The following TEX10 variants were observed in gnomAD, a reference collection of about 807,000 sequenced individuals.
TEX10 encodes testis expressed 10.
In TEX10, 24 loss-of-function variants were observed where a neutral mutation model predicts 104.4. The observed-to-expected ratio is 0.23, with a 90% CI of 0.17 to 0.32. The LOEUF (loss-of-function observed/expected upper bound fraction) is 0.32. TEX10 is among the 10% of genes least tolerant of loss of function. The pLI, the probability that TEX10 is intolerant of heterozygous loss-of-function variation, is 1.00. For missense variants in TEX10, 921 were observed against 1,083.9 expected (o/e 0.85, Z 2.11); for synonymous variants, 396 against 393.4 (o/e 1.01, Z -0.08).
chr9:100,310,483 G>C lies in TEX10; in HGVS notation c.2203-104C>G, dbSNP rs963608216. The C allele has an allele frequency of 6.9e-5, 74 of 1,074,330 alleles. 1 individual carries two copies. The highest frequency in any genetic ancestry group is 9.6e-5 in the Non-Finnish European group (71 of 735,802). 66.5% of individuals were successfully genotyped at this position (1,074,330 alleles called of 1,614,324 possible). On this transcript the variant is annotated intron_variant, in intron 11 of 14. Coordinates refer to ENST00000374902, the MANE Select transcript of TEX10 (RefSeq NM_017746.4). ...AGACAGAGTTTCACTCTGTCGCCCA[G>C]GCTGGAGTGCAGTGATGCAGTCTCA...
Position 100,303,422 on chromosome 9 carries a change from C to T in TEX10, c.2676+210G>A, listed in dbSNP as rs528327889. Reference sequence around the variant, plus strand: ...TATTTTAAGACTTTTATTACTAATTCTGGAATCACAGACACACCCCCCCCC... The same window carrying T: ...TATTTTAAGACTTTTATTACTAATTTTGGAATCACAGACACACCCCCCCCC... On this transcript the variant is annotated intron_variant, in intron 14 of 14. Coordinates refer to ENST00000374902, the MANE Select transcript of TEX10 (RefSeq NM_017746.4). Among the ~76,000 whole-genome samples, 9 of 134,942 alleles carry T rather than the reference C, an allele frequency of 6.7e-5. No individual in the cohort carries two copies. In the East Asian group the frequency reaches 2.8e-3, roughly 41 times the overall value. The allele number at this position is 134,942 out of a possible 152,430, so 88.5% of individuals were successfully genotyped here. A position where few individuals can be genotyped will look rare whatever the true frequency, so the allele number is the denominator to read the frequency against.
intron 10 of TEX10, 59 bp downstream of exon 10, chr9:100,321,621 AAGG>A (rs751995603): frequency 5.3e-6 from 7 of 1,330,414 alleles, no homozygotes; most frequent in African/African-American, 2.9e-5. Context: ...CAAATCTTAG[AAGG>A]AGAATTGTGA....
chr9:100,324,376 T>C (rs1160876271), intron 9 of TEX10, among the ~76,000 whole-genome samples: 2 of 152,172 alleles, frequency 1.3e-5, no homozygotes. Context: ...ATGATGGTGC[T>C]ATGGGCTCAA....
chr9:100,302,549 T>G (rs1028693067), intron 14 of TEX10, among the ~76,000 whole-genome samples: 1 of 152,206 alleles, frequency 6.6e-6, no homozygotes, highest in Non-Finnish European at 1.5e-5. Context: ...CTCCTGCACA[T>G]GCTAGAGACT....
intron 1 of TEX10, 68 bp downstream of exon 1, chr9:100,352,704 G>C: frequency 7.7e-7 from 1 of 1,305,596 alleles, no homozygotes; most frequent in East Asian, 3.5e-5. Context: ...GGATCGGGGG[G>C]CGACGGCCCC....
intron 9 of TEX10, among the ~76,000 whole-genome samples, chr9:100,325,094 T>C (rs1186829072): frequency 6.6e-6 from 1 of 152,218 alleles, no homozygotes; most frequent in Non-Finnish European, 1.5e-5. Flanking sequence ...TTGTCAGTTA[T>C]GAAGCACACT....
intron 2 of TEX10, among the ~76,000 whole-genome samples, chr9:100,347,645 C>G (rs1835332895): frequency 6.6e-6 from 1 of 152,156 alleles, no homozygotes; most frequent in Admixed American, 6.5e-5. Context: ...AACCTACATG[C>G]AGGCTTAGGC....
intron 5 of TEX10, among the ~76,000 whole-genome samples, chr9:100,332,097 T>A (rs1834876848): frequency 6.6e-6 from 1 of 152,198 alleles, no homozygotes; most frequent in Non-Finnish European, 1.5e-5. Flanking sequence ...GGCCAACAGA[T>A]AATTCAATGT....
chr9:100,338,126 G>A (rs1248800770), intron 5 of TEX10, among the ~76,000 whole-genome samples: 1 of 152,152 alleles, frequency 6.6e-6, no homozygotes, highest in Admixed American at 6.5e-5. Flanking sequence ...TAAAGGGGTG[G>A]TACAAAGGGC....
rs760007197 is a variant in TEX10 at position 100,326,337 on chromosome 9, A to G, written c.1944T>C (p.Ser648=). The part of the protein sequence containing the change: ...RCCIMGRLSS[S]LAAMLIGILH... Reference sequence around the variant, plus strand: ...GTATCCCGATAAGCATGGCAGCCAAACTTGAACTGAGTCTTCCCATAATAC... The same window carrying G: ...GTATCCCGATAAGCATGGCAGCCAAGCTTGAACTGAGTCTTCCCATAATAC... Residue 648 remains serine, a synonymous_variant, in exon 9 of 15, where the codon AGT becomes AGC. Coordinates refer to ENST00000374902, the MANE Select transcript of TEX10 (RefSeq NM_017746.4). 11 of 1,614,060 alleles carry G rather than the reference A, an allele frequency of 6.8e-6. No individual in the cohort carries two copies. In the South Asian group the frequency reaches 1.2e-4, roughly 18 times the overall value.
chr9:100,344,704 C>T (rs1416974720), intron 4 of TEX10, among the ~76,000 whole-genome samples: 1 of 152,016 alleles, frequency 6.6e-6, no homozygotes, highest in East Asian at 1.9e-4. Flanking sequence ...AAATTAGCCA[C>T]GCATGGTGGC....
intron 6 of TEX10, 62 bp downstream of exon 6, chr9:100,329,869 G>T: frequency 7.4e-7 from 1 of 1,352,590 alleles, no homozygotes; most frequent in Non-Finnish European, 1.0e-6. Flanking sequence ...TTCAAAGCTA[G>T]ACCTTAAGAT....
Position 100,320,277 on chromosome 9 carries a change from C to G in TEX10, c.2190G>C (p.Trp730Cys), listed in dbSNP as rs1834533872. 6.2e-7 allele frequency: 1 copy of G among 1,609,636 alleles called. No individual in the cohort carries two copies. Among genetic ancestry groups the G allele is most frequent in the Admixed American group, 1.7e-5 (1 of 59,394 alleles). ...LTDLDQFLHH[W>C]DVTEAVFHSL... The stretch of plus-strand genomic sequence containing the variant: ...AATGAACTATTACCTCTGTTACATC[C>G]CAGTGGTGTAAAAATTGATCCAAAT... Residue 730 changes from tryptophan (W) to cysteine (C), a missense_variant, in exon 11 of 15, where the codon TGG becomes TGC. Trp to Cys is a radical substitution (Grantham distance 215). Transcript: ENST00000374902.
At position 100,306,665 on chromosome 9, in the gene TEX10, G is replaced by A. The variant is rs1270809920; in HGVS notation, c.2465+1835C>T. The A allele has an allele frequency of 2.6e-5, 4 of 152,300 alleles. No individual in the cohort carries two copies. The East Asian group carries it at 7.7e-4, about 29-fold the overall frequency. 9.4% of individuals were successfully genotyped at this position (152,300 alleles called of 1,614,324 possible). The stretch of plus-strand genomic sequence containing the variant: ...TCTTATAAACACCTTCTCCAGTGGG[G>A]AAGAAATAGCCCAAATGGGAATTTT... On this transcript the variant is annotated intron_variant, in intron 13 of 14. Transcript: ENST00000374902.
chr9:100,317,511 G>A (rs1834451062), intron 11 of TEX10, among the ~76,000 whole-genome samples: 1 of 152,080 alleles, frequency 6.6e-6, no homozygotes, highest in Non-Finnish European at 1.5e-5. Context: ...ACACTTAAAT[G>A]TAGGACATGA....
intron 8 of TEX10, among the ~76,000 whole-genome samples, chr9:100,326,791 C>G (rs1232962869): frequency 6.6e-6 from 1 of 152,086 alleles, no homozygotes. Flanking sequence ...AGCAATTTTG[C>G]TAAACAGTGA....
chr9:100,325,361 C>G (rs1834679961), intron 9 of TEX10, among the ~76,000 whole-genome samples: 1 of 152,126 alleles, frequency 6.6e-6, no homozygotes, highest in South Asian at 2.1e-4. Flanking sequence ...TTCAGAGTTT[C>G]AGAGTAAAAT....
chr9:100,327,879 G>C lies in TEX10; in HGVS notation c.1709C>G (p.Ser570Cys), dbSNP rs1444430228. 1 of 1,607,828 alleles carries C rather than the reference G, an allele frequency of 6.2e-7. No homozygotes were observed. Among genetic ancestry groups the C allele is most frequent in the Non-Finnish European group, 8.5e-7 (1 of 1,175,794 alleles). The change falls in exon 8 of 15, where the codon TCT (serine) becomes TGT (cysteine). Residue 570 changes from serine (S) to cysteine (C), a missense_variant. Ser to Cys is a moderately radical substitution (Grantham distance 112). Transcript: ENST00000374902. ...AHLGSRNPEL[S>C]TQLIDIIHTA... ...ATGAATGATATCGATAAGCTGTGTA[G>C]AGAGCTCAGGATTTCGGGAGCCAAG...
intron 4 of TEX10, among the ~76,000 whole-genome samples, chr9:100,345,868 AAT>A (rs66971967): frequency 0.85 from 127,751 of 150,096 alleles, 54,849 homozygotes; most frequent in African/African-American, 0.96. Flanking sequence ...ATTTCACTTA[AAT>A]ATATATATAT....
Sources: allele counts gnomAD v4.1 joint callset (sites outside exome capture counted in the v4.1 genomes callset), GRCh38; gene constraint gnomAD v4.1.1; transcripts MANE v1.5; gene names NCBI Gene and HGNC (gene_info 2026-07-23, HGNC 2026-07-21).